The following TMEM135 variants were observed in gnomAD, a reference collection of about 807,000 sequenced individuals.
TMEM135 encodes the protein transmembrane protein 135.
In TMEM135, 30 loss-of-function variants were observed where a neutral mutation model predicts 60.3. The ratio of observed to expected loss-of-function variants is 0.50; its 90% CI spans 0.37 to 0.68. The LOEUF (loss-of-function observed/expected upper bound fraction) is 0.68. Ranked by LOEUF, TMEM135 falls within the 30% of genes least tolerant of loss-of-function variation. The pLI, the probability that TMEM135 is intolerant of heterozygous loss-of-function variation, is 0.00. For synonymous variants in TMEM135, 190 were observed against 186.7 expected (o/e 1.02, Z -0.14); for missense variants, 468 against 548.8 (o/e 0.85, Z 1.47).
At chr11:87,274,930 T>C (rs11235073) in intron 6 of TMEM135, among the ~76,000 whole-genome samples, 1 of 150,162 alleles carries the variant, frequency 6.7e-6, no homozygotes, top group East Asian at 1.9e-4. Context: ...TCTGAAGAAC[T>C]CTTTTTTCCC....
chr11:87,238,769 A>G (rs1941063592), intron 6 of TMEM135, among the ~76,000 whole-genome samples: 1 of 152,072 alleles, frequency 6.6e-6, no homozygotes, highest in African/African-American at 2.4e-5. Flanking sequence ...AAGATATAGC[A>G]TACCCAGTAG....
chr11:87,101,959 G>A (rs746429258), intron 4 of TMEM135, among the ~76,000 whole-genome samples: 13 of 152,018 alleles, frequency 8.6e-5, no homozygotes, highest in Non-Finnish European at 1.3e-4. Context: ...GGCAACAAGA[G>A]CAAAACTCCG....
chr11:87,265,197 A>G (rs564421273), intron 6 of TMEM135, among the ~76,000 whole-genome samples: 6 of 152,118 alleles, frequency 3.9e-5, no homozygotes, highest in Admixed American at 6.5e-5. Context: ...GATAGTGAGA[A>G]ATATAGCTAG....
chr11:87,308,533 C>A (rs1423991316), intron 9 of TMEM135, among the ~76,000 whole-genome samples: 2 of 151,946 alleles, frequency 1.3e-5, no homozygotes, highest in Admixed American at 6.6e-5. Flanking sequence ...AAGCTGCAGT[C>A]CAGAAAATAC....
Position 87,067,835 on chromosome 11 carries a change from A to G in TMEM135, c.269+14A>G. 1 of 1,613,008 alleles carries G rather than the reference A, an allele frequency of 6.2e-7. No homozygotes were observed. The highest frequency in any genetic ancestry group is 8.5e-7 in the Non-Finnish European group (1 of 1,179,360). On this transcript the variant is annotated intron_variant, in intron 2 of 14. Transcript: ENST00000305494. Reference sequence around the variant, plus strand: ...TTGCATTTTAAGGTTGGTACTCATAATCACCATAGATACTAATATAGGTTC... The same window carrying G: ...TTGCATTTTAAGGTTGGTACTCATAGTCACCATAGATACTAATATAGGTTC...
intron 1 of TMEM135, among the ~76,000 whole-genome samples, chr11:87,047,287 A>T (rs919407748): frequency 6.6e-5 from 10 of 151,538 alleles, no homozygotes; most frequent in African/African-American, 2.2e-4. Context: ...CCAGATTGTT[A>T]AAAAAAAAGT....
intron 4 of TMEM135, among the ~76,000 whole-genome samples, chr11:87,145,007 T>C (rs531964137): frequency 4.6e-5 from 7 of 152,148 alleles, no homozygotes; most frequent in Non-Finnish European, 7.4e-5. Context: ...TGCTGTACTC[T>C]ATTATCAACT....
chr11:87,139,569 G>C (rs1938206448), intron 4 of TMEM135, among the ~76,000 whole-genome samples: 1 of 152,102 alleles, frequency 6.6e-6, no homozygotes, highest in Admixed American at 6.5e-5. Flanking sequence ...GATACCTAGG[G>C]ATAGAATTGC....
intron 6 of TMEM135, among the ~76,000 whole-genome samples, chr11:87,250,089 A>G (rs1026121204): frequency 5.3e-5 from 8 of 152,114 alleles, no homozygotes; most frequent in African/African-American, 1.7e-4. Context: ...TTATTGGCAT[A>G]TAGTTGATCA....
Position 87,293,516 on chromosome 11 carries a change from C to T in TMEM135, c.510-2266C>T, listed in dbSNP as rs140151791. ...CCTCCAACTTCCCTCCCCTCACTCCCCACACCCCAACAGGCCCTGGTGTGT... is the reference window on the plus strand; with the variant it reads ...CCTCCAACTTCCCTCCCCTCACTCCTCACACCCCAACAGGCCCTGGTGTGT... On this transcript the variant is annotated intron_variant, in intron 6 of 14. Coordinates refer to ENST00000305494, the MANE Select transcript of TMEM135 (RefSeq NM_022918.4). Among the ~76,000 whole-genome samples, 49 of 152,262 alleles carry T rather than the reference C, an allele frequency of 3.2e-4. 1 individual carries two copies. The highest frequency in any genetic ancestry group is 1.2e-3 in the African/African-American group (49 of 41,546).
Position 87,322,236 on chromosome 11 carries a change from T to C in TMEM135, c.*903T>C, listed in dbSNP as rs754291537. 6.6e-6 allele frequency: 3 copies of C among 454,292 alleles called. No individual in the cohort carries two copies. The highest frequency in any genetic ancestry group is 1.3e-5 in the Non-Finnish European group (3 of 226,762). 28.1% of individuals were successfully genotyped at this position (454,292 alleles called of 1,614,324 possible). A position where few individuals can be genotyped will look rare whatever the true frequency, so the allele number is the denominator to read the frequency against. On this transcript the variant is annotated 3_prime_UTR_variant, in exon 15 of 15. Transcript: ENST00000305494. ...GTTGTATTAGAAGGGATCAAAATCCTATGGAACAAAGTAGTCTTGGCAAGT... is the reference window on the plus strand; with the variant it reads ...GTTGTATTAGAAGGGATCAAAATCCCATGGAACAAAGTAGTCTTGGCAAGT...
At position 87,150,231 on chromosome 11, in the gene TMEM135, A is replaced by AG. The variant is rs1401876112; in HGVS notation, c.397-7110_397-7109insG. 2.3e-3 allele frequency among the ~76,000 whole-genome samples: 344 copies of AG among 151,424 alleles called. 2 individuals carry two copies. The highest frequency in any genetic ancestry group is 7.9e-3 in the African/African-American group (327 of 41,210). On this transcript the variant is annotated intron_variant, in intron 4 of 14. Transcript: ENST00000305494. ...ACTCTGTCTCAAAAAAAAAAAAAAAAAAAAGAAAAAAAGTGAAATGGTATG... is the reference window on the plus strand; with the variant it reads ...ACTCTGTCTCAAAAAAAAAAAAAAAAGAAAAGAAAAAAAGTGAAATGGTATG...
intron 4 of TMEM135, among the ~76,000 whole-genome samples, chr11:87,122,887 T>C (rs978253995): frequency 6.6e-6 from 1 of 152,192 alleles, no homozygotes; most frequent in Non-Finnish European, 1.5e-5. Flanking sequence ...CCCTTAAACA[T>C]TAATGCTGAA....
intron 4 of TMEM135, among the ~76,000 whole-genome samples, chr11:87,133,013 G>A (rs912895243): frequency 8.5e-5 from 13 of 152,160 alleles, no homozygotes; most frequent in Non-Finnish European, 1.8e-4. Context: ...CAGGACAGTC[G>A]ATGTGGTAAC....
At chr11:87,044,912 G>C (rs1949781596) in intron 1 of TMEM135, among the ~76,000 whole-genome samples, 1 of 152,044 alleles carries the variant, frequency 6.6e-6, no homozygotes, top group Non-Finnish European at 1.5e-5. Context: ...CTCCCAAAGT[G>C]CTGGGATTAC....
chr11:87,255,219 C>T (rs511056), intron 6 of TMEM135, among the ~76,000 whole-genome samples: 100,195 of 151,906 alleles, frequency 0.66, 33,609 homozygotes, highest in Non-Finnish European at 0.71. Context: ...AGGTAGGGGT[C>T]GGAAGAAGAG....
intron 5 of TMEM135, among the ~76,000 whole-genome samples, chr11:87,218,380 A>G (rs1349347927): frequency 2.0e-5 from 3 of 152,132 alleles, no homozygotes; most frequent in Admixed American, 6.5e-5. Context: ...TTCTTGCCAT[A>G]TTTGTAACAT....
At chr11:87,096,122 A>G in intron 4 of TMEM135, 1 of 215,046 alleles carries the variant, frequency 4.7e-6, no homozygotes, top group Non-Finnish European at 8.5e-6. Context: ...TATAAAGAAA[A>G]CCTACTTGTG....
chr11:87,299,089 CAAAA>C (rs571107346), intron 7 of TMEM135, among the ~76,000 whole-genome samples: 1 of 151,624 alleles, frequency 6.6e-6, no homozygotes, highest in Non-Finnish European at 1.5e-5. Flanking sequence ...AACTCCATCT[CAAAA>C]AAAACAAAAC....
Sources: gnomAD v4.1 joint callset for allele counts (sites outside exome capture counted in the v4.1 genomes callset) on GRCh38, gnomAD v4.1.1 for gene constraint, MANE v1.5 for transcripts, NCBI Gene and HGNC (gene_info 2026-07-23, HGNC 2026-07-21) for gene names.